Variants in SLCO5A1 observed in about 807,000 individuals in gnomAD.
SLCO5A1 encodes solute carrier organic anion transporter family member 5A1, also known as organic anion transporter polypeptide-related protein 4.
Under a neutral mutation model 65.1 loss-of-function variants are expected in SLCO5A1, and 39 were observed. That is an observed-to-expected ratio of 0.60 (90% CI 0.46 to 0.78). SLCO5A1 has a LOEUF of 0.78. Ranked by LOEUF, SLCO5A1 falls within the 30% of genes least tolerant of loss-of-function variation. The pLI is 0.00. For missense variants in SLCO5A1, 1,029 were observed against 1,069.4 expected (o/e 0.96, Z 0.53); for synonymous variants, 438 against 415.7 (o/e 1.05, Z -0.65).
intron 2 of SLCO5A1, among the ~76,000 whole-genome samples, chr8:69,799,343 C>G (rs1178228555): frequency 6.6e-6 from 1 of 152,162 alleles, no homozygotes; most frequent in Non-Finnish European, 1.5e-5. Context: ...CCCATTGTCT[C>G]AAGAAATGTG....
intron 2 of SLCO5A1, among the ~76,000 whole-genome samples, chr8:69,778,132 G>T (rs1818638613): frequency 6.6e-6 from 1 of 151,966 alleles, no homozygotes; most frequent in Non-Finnish European, 1.5e-5. Flanking sequence ...TATATATAGG[G>T]TTCAGTTCTA....
chr8:69,694,119 G>A lies in SLCO5A1; in HGVS notation c.1622+10912C>T, dbSNP rs1814392105. ...AGATACATCCCCAATAGCTCATTCA[G>A]CAAGAAGGTTGTGTGTGCATGCAGG... On this transcript the variant is annotated intron_variant, in intron 6 of 9. Transcript: ENST00000260126. Among the ~76,000 whole-genome samples the A allele has an allele frequency of 3.3e-5, 5 of 152,204 alleles. No individual in the cohort carries two copies. The South Asian group carries it at 1.0e-3, about 31-fold the overall frequency.
chr8:69,787,662 A>T (rs1269470717), intron 2 of SLCO5A1, among the ~76,000 whole-genome samples: 5 of 152,250 alleles, frequency 3.3e-5, no homozygotes, highest in African/African-American at 1.2e-4. Flanking sequence ...GATTTTGAAA[A>T]TAGCCTCAAA....
rs924968250 is a variant in SLCO5A1, at chr8:69,672,234, C to A, written c.*635G>T. 5 of 152,596 alleles carry A rather than the reference C, an allele frequency of 3.3e-5. No homozygotes were observed. The highest frequency in any genetic ancestry group is 4.8e-5 in the African/African-American group (2 of 41,452). 9.5% of individuals were successfully genotyped at this position (152,596 alleles called of 1,614,324 possible). A position where few individuals can be genotyped will look rare whatever the true frequency, so the allele number is the denominator to read the frequency against. ...TGAAGTAGCTGTTCCTTCTATCACACTATGCCTATGGTTCCTCTGAAGCAT... is the reference window on the plus strand; with the variant it reads ...TGAAGTAGCTGTTCCTTCTATCACAATATGCCTATGGTTCCTCTGAAGCAT... On this transcript the variant is annotated 3_prime_UTR_variant, in exon 10 of 10. Transcript: ENST00000260126.
At chr8:69,712,517 A>G (rs1815314897) in intron 5 of SLCO5A1, among the ~76,000 whole-genome samples, 1 of 152,230 alleles carries the variant, frequency 6.6e-6, no homozygotes, top group Non-Finnish European at 1.5e-5. Context: ...GGAAAACCTG[A>G]ACCAAAGGAG....
At chr8:69,752,861 A>G (rs181261779) in intron 4 of SLCO5A1, among the ~76,000 whole-genome samples, 2 of 152,330 alleles carry the variant, frequency 1.3e-5, no homozygotes, top group African/African-American at 4.8e-5. Flanking sequence ...CAAAAATACT[A>G]ACAAGAAAAT....
rs2130931999 is a variant in SLCO5A1, at chr8:69,832,499, G to T, written c.175C>A (p.Pro59Thr). The T allele has an allele frequency of 1.2e-6, 2 of 1,610,264 alleles. No individual in the cohort carries two copies. Among genetic ancestry groups the T allele is most frequent in the Non-Finnish European group, 1.7e-6 (2 of 1,178,530 alleles). Reference sequence around the variant, plus strand: ...GAAGAATCCACACAGCCAAAGGCCGGGTTGGCGTCTCCACTAGTGGGACTG... The same window carrying T: ...GAAGAATCCACACAGCCAAAGGCCGTGTTGGCGTCTCCACTAGTGGGACTG... ...SLSPTSGDANPAFGCVDSSGH... is the reference protein window; with the variant it reads ...SLSPTSGDANTAFGCVDSSGH... The change falls in exon 2 of 10, where the codon CCG becomes ACG. Residue 59 changes from proline (P) to threonine (T), a missense_variant. Transcript: ENST00000260126. The surrounding 1 kb of genome is among the most constrained non-coding windows in gnomAD (Gnocchi z 4.5).
Position 69,831,996 on chromosome 8 carries a change from C to T in SLCO5A1, c.678G>A (p.Glu226=). The change falls in exon 2 of 10, where the codon GAG becomes GAA. Residue 226 remains glutamate (E), a synonymous_variant. Transcript: ENST00000260126. ...HFISPPYQIQ[E]LNASAPNDGL... ...CGTCGTTGGGGGCCGAGGCGTTCAA[C>T]TCTTGGATCTGGTAGGGGGGCGAGA... The T allele has an allele frequency of 6.3e-7, 1 of 1,597,172 alleles. No individual in the cohort carries two copies. The highest frequency in any genetic ancestry group is 8.5e-7 in the Non-Finnish European group (1 of 1,172,182).
intron 2 of SLCO5A1, chr8:69,794,157 T>G (rs548893754): frequency 1.1e-5 from 3 of 282,156 alleles, no homozygotes; most frequent in African/African-American, 4.5e-5. Context: ...GGGAGATGTA[T>G]GCATTACCAT....
chr8:69,772,356 A>G (rs1226532858), intron 2 of SLCO5A1, among the ~76,000 whole-genome samples: 1 of 151,802 alleles, frequency 6.6e-6, no homozygotes, highest in Non-Finnish European at 1.5e-5. Context: ...CTTCATCTCT[A>G]CAAAAAAAAA....
At chr8:69,796,913 T>G (rs1819523137) in intron 2 of SLCO5A1, among the ~76,000 whole-genome samples, 1 of 152,144 alleles carries the variant, frequency 6.6e-6, no homozygotes, top group Admixed American at 6.5e-5. Context: ...AAAGTGACCT[T>G]TACTCTAGTT....
In SLCO5A1 at chr8:69,725,857, GA is replaced by G. The variant is rs1404569388; in HGVS notation, c.1423+12182del. Among the ~76,000 whole-genome samples the G allele has an allele frequency of 2.6e-5, 4 of 152,134 alleles. 1 individual carries two copies. In the East Asian group the frequency reaches 5.8e-4, roughly 22 times the overall value. On this transcript the variant is annotated intron_variant, in intron 5 of 9. Transcript: ENST00000260126. ...TTTCCTCTGGATTTTCAGTCTTTTT[GA>G]AAAGCTCTCTAATCTTTCTCAACCT...
At position 69,676,668 on chromosome 8, in the gene SLCO5A1, A is replaced by G. The variant is rs780896349; in HGVS notation, c.2030T>C (p.Val677Ala). ...PSAIIVTLRS[V>A]EDEERPFALG... ...TGCAAAAGGTCTCTCCTCATCTTCT[A>G]CGGACCTACAGTGAAGGGAAAGAAG... Residue 677 changes from valine to alanine, a missense_variant, in exon 9 of 10, where the codon GTA becomes GCA. Val to Ala is a moderately conservative substitution (Grantham distance 64). This residue lies in a region of SLCO5A1 where 258 missense variants were observed against 237.4 expected (regional missense o/e 1.09). Coordinates refer to ENST00000260126, the MANE Select transcript of SLCO5A1 (RefSeq NM_030958.3). 1.9e-6 allele frequency: 3 copies of G among 1,611,628 alleles called. No homozygotes were observed. Among genetic ancestry groups the G allele is most frequent in the Admixed American group, 1.7e-5 (1 of 59,580 alleles).
intron 8 of SLCO5A1, among the ~76,000 whole-genome samples, chr8:69,676,971 C>G (rs896273546): frequency 2.6e-5 from 4 of 152,106 alleles, no homozygotes; most frequent in African/African-American, 9.7e-5. Flanking sequence ...AACTGAGCTT[C>G]CAAAATCAGA....
At chr8:69,694,458 G>A (rs1404284358) in intron 6 of SLCO5A1, among the ~76,000 whole-genome samples, 1 of 152,068 alleles carries the variant, frequency 6.6e-6, no homozygotes, top group Non-Finnish European at 1.5e-5. Flanking sequence ...ACTTGAAAGG[G>A]AAAAAAGCCA....
intron 2 of SLCO5A1, among the ~76,000 whole-genome samples, chr8:69,812,754 A>C (rs537259850): frequency 3.4e-4 from 52 of 152,358 alleles, no homozygotes; most frequent in African/African-American, 1.2e-3. Context: ...AAGAAATTCA[A>C]ACTAATTTCT....
At chr8:69,784,930 GAA>G (rs1217195932) in intron 2 of SLCO5A1, among the ~76,000 whole-genome samples, 1 of 113,874 alleles carries the variant, frequency 8.8e-6, no homozygotes, top group Non-Finnish European at 1.9e-5. Context: ...AAGAAAGAAA[GAA>G]AGAAAGAAAG....
At chr8:69,782,076 G>T (rs1056580811) in intron 2 of SLCO5A1, among the ~76,000 whole-genome samples, 5 of 152,108 alleles carry the variant, frequency 3.3e-5, no homozygotes, top group Admixed American at 6.5e-5. Flanking sequence ...CGGGTGTGGG[G>T]CAAGGGGAGG....
chr8:69,729,387 T>C (rs1816231597), intron 5 of SLCO5A1, among the ~76,000 whole-genome samples: 1 of 129,858 alleles, frequency 7.7e-6, no homozygotes, highest in African/African-American at 3.0e-5. Flanking sequence ...GAACTTGCAG[T>C]GAGCCGAGAT....
Sources: gnomAD v4.1 joint callset for allele counts (sites outside exome capture counted in the v4.1 genomes callset) on GRCh38, gnomAD v4.1.1 for gene constraint, gnomAD v4.1.1 regional missense constraint, Gnocchi (gnomAD v3.1) non-coding constraint, MANE v1.5 for transcripts, NCBI Gene and HGNC (gene_info 2026-07-23, HGNC 2026-07-21) for gene names.